The following TMC1 variants were observed in gnomAD, a reference collection of about 807,000 sequenced individuals.
The protein encoded by TMC1 is transmembrane channel like 1.
TMC1 carries 84 observed loss-of-function variants against 105.8 expected under a neutral mutation model. The observed-to-expected ratio is 0.79, with a 90% confidence interval of 0.67 to 0.95. The LOEUF (loss-of-function observed/expected upper bound fraction) is 0.95, where lower values mean the gene tolerates loss of function less well. TMC1 is among the 40% of genes least tolerant of loss of function. The probability of loss-of-function intolerance (pLI) is 0.00; values close to 1 mark genes in which losing one functional copy is unlikely to be tolerated. For missense variants in TMC1, 817 were observed against 914.1 expected, an observed-to-expected ratio of 0.89 and a Z score of 1.37; for synonymous variants, 315 against 311.5, an observed-to-expected ratio of 1.01 and a Z score of -0.12.
chr9:72,817,350 TG>T (rs1828804104), intron 19 of TMC1: 1 of 152,180 alleles, frequency 6.6e-6, no homozygotes, highest in African/African-American at 2.4e-5. Context: ...ATGACTCACA[TG>T]TCCAGACTCA....
intron 12 of TMC1, among the ~76,000 whole-genome samples, chr9:72,756,359 G>T (rs748413603): frequency 1.3e-5 from 2 of 152,142 alleles, no homozygotes; most frequent in East Asian, 3.9e-4. Flanking sequence ...CTGAGCAAGT[G>T]GTTCTTATTT....
chr9:72,614,175 C>G (rs949648738), intron 2 of TMC1, among the ~76,000 whole-genome samples: 1 of 152,148 alleles, frequency 6.6e-6, no homozygotes, highest in African/African-American at 2.4e-5. Context: ...CCCACCTTCA[C>G]CCCCACACAT....
intron 13 of TMC1, among the ~76,000 whole-genome samples, chr9:72,787,088 A>C (rs147209144): frequency 2.6e-5 from 4 of 151,916 alleles, no homozygotes; most frequent in African/African-American, 9.7e-5. Context: ...CACTGGAGCA[A>C]AGTCAGAAAA....
chr9:72,599,444 A>G (rs1210163419), intron 2 of TMC1, among the ~76,000 whole-genome samples: 1 of 152,240 alleles, frequency 6.6e-6, no homozygotes, highest in Non-Finnish European at 1.5e-5. Flanking sequence ...AGACCTGGCC[A>G]GTGGGTGAGC....
intron 19 of TMC1, among the ~76,000 whole-genome samples, chr9:72,820,516 G>T (rs1828849671): frequency 6.6e-6 from 1 of 152,154 alleles, no homozygotes; most frequent in South Asian, 2.1e-4. Context: ...TTTAGAATTA[G>T]AAGAAAGAAG....
intron 18 of TMC1, among the ~76,000 whole-genome samples, chr9:72,810,163 T>C (rs1317505305): frequency 7.6e-6 from 1 of 130,786 alleles, no homozygotes; most frequent in Non-Finnish European, 1.6e-5. Flanking sequence ...AAAACTAAAA[T>C]GAGGCTGTTT....
intron 13 of TMC1, among the ~76,000 whole-genome samples, chr9:72,773,038 A>G (rs747051587): frequency 6.6e-6 from 1 of 152,130 alleles, no homozygotes; most frequent in Non-Finnish European, 1.5e-5. Flanking sequence ...ATGGTCCCCA[A>G]TGAAACCATC....
At chr9:72,711,481 C>A (rs1826834679) in intron 8 of TMC1, among the ~76,000 whole-genome samples, 2 of 152,184 alleles carry the variant, frequency 1.3e-5, no homozygotes, top group South Asian at 4.1e-4. Context: ...GAGATGGTAT[C>A]TCATTGTGGT....
At chr9:72,683,733 T>TTATATA (rs58007608) in intron 5 of TMC1, among the ~76,000 whole-genome samples, 4,230 of 52,296 alleles carry the variant, frequency 0.081, 423 homozygotes, top group Non-Finnish European at 0.11. Flanking sequence ...GTTACACATT[T>TTATATA]TATATATATA....
At chr9:72,684,054 A>G (rs1412649645) in intron 5 of TMC1, among the ~76,000 whole-genome samples, 1 of 151,988 alleles carries the variant, frequency 6.6e-6, no homozygotes, top group Non-Finnish European at 1.5e-5. Flanking sequence ...CAGTCAGAGA[A>G]GCACAGCCCA....
intron 17 of TMC1, among the ~76,000 whole-genome samples, chr9:72,798,446 C>T (rs1035656240): frequency 1.5e-4 from 23 of 151,894 alleles, no homozygotes; most frequent in African/African-American, 5.3e-4. Flanking sequence ...AGCAAATACA[C>T]GGAATCAACC....
At chr9:72,580,595 T>C (rs66520913) in intron 2 of TMC1, among the ~76,000 whole-genome samples, 87,753 of 152,068 alleles carry the variant, frequency 0.58, 26,970 homozygotes, top group African/African-American at 0.81. Context: ...TGCCAGTGCA[T>C]ACACCACACA....
In TMC1 at chr9:72,584,838, G is replaced by A. The variant is rs567704492; in HGVS notation, c.-306+6815G>A. On this transcript the variant is annotated intron_variant, in intron 2 of 23. Coordinates refer to ENST00000297784, the MANE Select transcript of TMC1 (RefSeq NM_138691.3). ...CTCGCTTCGTTGCCCAGGCTGGAGT[G>A]CAGTGACACAATCTTGGCTCACTGC... Among the ~76,000 whole-genome samples, 138 of 140,314 alleles carry A rather than the reference G, an allele frequency of 9.8e-4. No homozygotes were observed. In the Middle Eastern group the frequency reaches 0.015, roughly 15 times the overall value. The allele number at this position is 140,314 out of a possible 152,430, so 92.1% of individuals were successfully genotyped here.
At chr9:72,757,738 G>T (rs1170637746) in intron 12 of TMC1, among the ~76,000 whole-genome samples, 4 of 152,126 alleles carry the variant, frequency 2.6e-5, no homozygotes, top group Non-Finnish European at 4.4e-5. Flanking sequence ...CATCATATCG[G>T]TGCTCGAAAC....
intron 18 of TMC1, among the ~76,000 whole-genome samples, chr9:72,813,641 A>C (rs1828738626): frequency 1.3e-5 from 2 of 152,354 alleles, no homozygotes; most frequent in African/African-American, 2.4e-5. Context: ...ATAATATATA[A>C]ATGAATGAAT....
intron 6 of TMC1, among the ~76,000 whole-genome samples, chr9:72,693,778 C>G (rs1826506182): frequency 6.7e-6 from 1 of 149,916 alleles, no homozygotes; most frequent in Non-Finnish European, 1.5e-5. Context: ...CTTAATTTAT[C>G]TTAATTATCT....
chr9:72,733,667 A>T (rs1827251522), intron 8 of TMC1, among the ~76,000 whole-genome samples: 1 of 152,160 alleles, frequency 6.6e-6, no homozygotes, highest in Non-Finnish European at 1.5e-5. Flanking sequence ...ATTCCTGTTT[A>T]TGTCTTCCAC....
At chr9:72,634,707 G>C (rs1037085343) in intron 4 of TMC1, among the ~76,000 whole-genome samples, 1 of 152,180 alleles carries the variant, frequency 6.6e-6, no homozygotes, top group African/African-American at 2.4e-5. Context: ...TTTAGACTGG[G>C]TGGAGATAAA....
chr9:72,605,387 G>T (rs557820156), intron 2 of TMC1, among the ~76,000 whole-genome samples: 9 of 152,158 alleles, frequency 5.9e-5, no homozygotes, highest in African/African-American at 1.7e-4. Context: ...AACAGCACAG[G>T]TGCCTTAAAT....
Sources: allele counts gnomAD v4.1 joint callset (sites outside exome capture counted in the v4.1 genomes callset), GRCh38; gene constraint gnomAD v4.1.1; transcripts MANE v1.5; gene names NCBI Gene and HGNC (gene_info 2026-07-23, HGNC 2026-07-21).